The following CCL26 variants were observed in gnomAD, a reference collection of about 807,000 sequenced individuals.
CCL26 encodes C-C motif chemokine ligand 26, also known as C-C motif chemokine 26.
A neutral mutation model predicts 10.7 loss-of-function variants in CCL26; 10 were observed. That is an observed-to-expected ratio of 0.93 (90% CI 0.57 to 1.58). The LOEUF (loss-of-function observed/expected upper bound fraction) is 1.58. CCL26 is among the 40% of genes most tolerant of loss of function. CCL26 has a pLI of 0.00. For missense variants in CCL26, 116 were observed against 111.0 expected (o/e 1.05, Z -0.20); for synonymous variants, 43 against 41.4 (o/e 1.04, Z -0.15).
At chr7:75,772,952 C>T (rs1323377877), upstream of CCL26, among the ~76,000 whole-genome samples, 1 of 152,082 alleles carries the variant, frequency 6.6e-6, no homozygotes, top group Non-Finnish European at 1.5e-5. Flanking sequence ...GTTTTGTTTC[C>T]TTTCTAAGCA....
At chr7:75,779,826 G>A (rs1803020571) in intron 1 of CCL26, among the ~76,000 whole-genome samples, 1 of 152,162 alleles carries the variant, frequency 6.6e-6, no homozygotes, top group Non-Finnish European at 1.5e-5. Context: ...GCAGCCCAGG[G>A]CTGCTCCCCA....
chr7:75,784,961 G>A (rs536297324), intron 1 of CCL26, among the ~76,000 whole-genome samples: 8 of 152,126 alleles, frequency 5.3e-5, no homozygotes, highest in South Asian at 2.1e-4. Context: ...GTTATTACTC[G>A]CCTGTTACAG....
At chr7:75,790,392 G>A (rs1554530678), upstream of CCL26, among the ~76,000 whole-genome samples, 1 of 149,958 alleles carries the variant, frequency 6.7e-6, no homozygotes, top group African/African-American at 2.4e-5. Context: ...TGGAACTACA[G>A]GCATGCACCA....
intron 1 of CCL26, among the ~76,000 whole-genome samples, chr7:75,779,728 G>T (rs371386644): frequency 6.6e-6 from 1 of 152,192 alleles, no homozygotes; most frequent in Non-Finnish European, 1.5e-5. Context: ...TCTGATCACC[G>T]CAGTGACGCC....
At chr7:75,773,812 G>A (rs1415304531), upstream of CCL26, among the ~76,000 whole-genome samples, 2 of 151,902 alleles carry the variant, frequency 1.3e-5, no homozygotes, top group Non-Finnish European at 1.5e-5. Flanking sequence ...GAACCTGGGG[G>A]GCAGAGGTTG....
At chr7:75,789,289 A>G (rs1228989023) in intron 1 of CCL26, among the ~76,000 whole-genome samples, 1 of 151,782 alleles carries the variant, frequency 6.6e-6, no homozygotes, top group Non-Finnish European at 1.5e-5. Flanking sequence ...AAATTAGTAA[A>G]GAGGAATGAA....
At chr7:75,790,178 C>CCTTCCTTCCTTT (rs60788546), upstream of CCL26, among the ~76,000 whole-genome samples, 252 of 44,326 alleles carry the variant, frequency 5.7e-3, 16 homozygotes, top group East Asian at 0.089. Context: ...TTCCTTCCTT[C>CCTTCCTTCCTTT]CTTTCTTTCT....
At chr7:75,779,649 G>A (rs2115669726) in intron 1 of CCL26, among the ~76,000 whole-genome samples, 1 of 152,364 alleles carries the variant, frequency 6.6e-6, no homozygotes, top group African/African-American at 2.4e-5. Flanking sequence ...GACTCGGGAA[G>A]ACAGTCTTCC....
intron 1 of CCL26, among the ~76,000 whole-genome samples, chr7:75,788,583 A>T (rs115151771): frequency 2.6e-3 from 400 of 152,206 alleles, no homozygotes; most frequent in African/African-American, 9.3e-3. Flanking sequence ...TACTAAAAGT[A>T]CTAACATTAG....
At chr7:75,777,769 A>G (rs2115662485) in intron 1 of CCL26, among the ~76,000 whole-genome samples, 1 of 151,356 alleles carries the variant, frequency 6.6e-6, no homozygotes, top group Non-Finnish European at 1.5e-5. Context: ...AAGAAAGAAT[A>G]ATGTTGTAGG....
chr7:75,769,782 T>C lies in CCL26; in HGVS notation c.196A>G (p.Thr66Ala), dbSNP rs1802783258. The part of the protein sequence containing the change: ...SCSQRAVIFT[T>A]KRGKKVCTHP... ...GTACAGACTTTCTTGCCTCTTTTGG[T>C]AGTGAATCTGTGAAAAAGAGACACG... The change falls in exon 3 of 3, where the codon ACC (threonine) becomes GCC (alanine). Residue 66 changes from threonine to alanine, a missense_variant. Physicochemically the swap from Thr to Ala is moderately conservative, Grantham distance 58. Transcript: ENST00000005180. 1.8e-5 allele frequency: 29 copies of C among 1,599,862 alleles called. No individual in the cohort carries two copies. Among genetic ancestry groups the C allele is most frequent in the Non-Finnish European group, 2.5e-5 (29 of 1,167,038 alleles).
intron 1 of CCL26, among the ~76,000 whole-genome samples, chr7:75,785,631 G>C (rs1432793377): frequency 6.6e-6 from 1 of 152,116 alleles, no homozygotes; most frequent in Non-Finnish European, 1.5e-5. Context: ...CCTGGGCATG[G>C]TTGGATACTT....
chr7:75,791,315 C>T (rs553256914), upstream of CCL26, among the ~76,000 whole-genome samples: 3 of 152,072 alleles, frequency 2.0e-5, no homozygotes, highest in Non-Finnish European at 4.4e-5. Context: ...TGAGCCACCA[C>T]GCCTGGCTGA....
chr7:75,776,971 C>T (rs185866754), upstream of CCL26, among the ~76,000 whole-genome samples: 53 of 152,288 alleles, frequency 3.5e-4, no homozygotes, highest in African/African-American at 1.2e-3. Flanking sequence ...TGGCTCACAA[C>T]TGTAATCCCA....
chr7:75,770,743 C>CA (rs1802803205), intron 2 of CCL26, among the ~76,000 whole-genome samples: 1 of 152,094 alleles, frequency 6.6e-6, no homozygotes, highest in Non-Finnish European at 1.5e-5. Context: ...GTGGCGCGAT[C>CA]TCTACTCCTG....
upstream of CCL26, among the ~76,000 whole-genome samples, chr7:75,776,011 G>GTCC (rs782232513): frequency 4.1e-4 from 61 of 147,076 alleles, no homozygotes; most frequent in Middle Eastern, 7.3e-3. Flanking sequence ...AATCCAGTAT[G>GTCC]TCCTCCTCTT....
intron 1 of CCL26, among the ~76,000 whole-genome samples, chr7:75,783,581 C>T (rs578045186): frequency 1.4e-4 from 21 of 152,202 alleles, no homozygotes; most frequent in African/African-American, 4.1e-4. Flanking sequence ...GGGCGGATCA[C>T]GAGGTCAGGA....
upstream of CCL26, chr7:75,772,382 C>T (rs1008671572): frequency 6.6e-5 from 37 of 560,078 alleles, no homozygotes; most frequent in Non-Finnish European, 1.0e-4. Flanking sequence ...TGGCACTGGG[C>T]GTGGTGGCTC....
intron 1 of CCL26, among the ~76,000 whole-genome samples, chr7:75,788,772 C>T (rs1803258328): frequency 6.6e-6 from 1 of 151,470 alleles, no homozygotes; most frequent in African/African-American, 2.4e-5. Context: ...GAAGAGTGGT[C>T]ACCCTTTGGG....
Sources: gnomAD v4.1 joint callset for allele counts (sites outside exome capture counted in the v4.1 genomes callset) on GRCh38, gnomAD v4.1.1 for gene constraint, MANE v1.5 for transcripts, NCBI Gene and HGNC (gene_info 2026-07-23, HGNC 2026-07-21) for gene names.